GNA13: variants seen among roughly 807,000 people sequenced by gnomAD.
GNA13 encodes guanine nucleotide-binding protein subunit alpha-13.
GNA13 carries 4 observed loss-of-function variants against 33.5 expected under a neutral mutation model. The observed-to-expected ratio is 0.12, with a 90% CI of 0.06 to 0.27. The LOEUF is 0.27. Among genes scored for constraint, GNA13 ranks in the 10% least tolerant of loss-of-function variants. GNA13 has a pLI of 1.00. For synonymous variants in GNA13, 176 were observed against 183.8 expected, an observed-to-expected ratio of 0.96 and a Z score of 0.34; for missense variants, 319 against 487.2, an observed-to-expected ratio of 0.65 and a Z score of 3.25.
In GNA13 at chr17:65,014,061, A is replaced by C. The variant is rs761159936; in HGVS notation, c.*196T>G. 4 of 558,052 alleles carry C rather than the reference A, an allele frequency of 7.2e-6. No individual in the cohort carries two copies. Among genetic ancestry groups the C allele is most frequent in the Non-Finnish European group, 1.3e-5 (4 of 314,442 alleles). The allele number at this position is 558,052 out of a possible 1,614,324, so 34.6% of individuals were successfully genotyped here. ...AACAGATCAAAGCCTGCATTACAGC[A>C]AATCTTGGCGATGAGTCACTCAACA... On this transcript the variant is annotated 3_prime_UTR_variant, in exon 4 of 4. Coordinates refer to ENST00000439174, the MANE Select transcript of GNA13 (RefSeq NM_006572.6). This position sits in a 1 kb window ranked among gnomAD's most constrained non-coding sequence, Gnocchi z 5.3.
intron 2 of GNA13, among the ~76,000 whole-genome samples, chr17:65,039,363 C>G (rs985749876): frequency 2.0e-5 from 3 of 152,216 alleles, no homozygotes; most frequent in Non-Finnish European, 4.4e-5. Context: ...AACTTCCACA[C>G]AGCAGCCTGA....
chr17:65,021,433 T>C (rs1359164112), intron 2 of GNA13, among the ~76,000 whole-genome samples: 1 of 152,232 alleles, frequency 6.6e-6, no homozygotes, highest in Admixed American at 6.5e-5. Flanking sequence ...AGTCCTAAGC[T>C]TGAAGGTAAC....
intron 2 of GNA13, among the ~76,000 whole-genome samples, chr17:65,040,390 A>T (rs1907410224): frequency 6.6e-6 from 1 of 152,272 alleles, no homozygotes; most frequent in Admixed American, 6.5e-5. Context: ...ACAGTTAAAA[A>T]TAGCAAATCA....
intron 2 of GNA13, among the ~76,000 whole-genome samples, chr17:65,043,845 G>A (rs1055878152): frequency 1.6e-4 from 24 of 152,212 alleles, no homozygotes; most frequent in Admixed American, 1.2e-3. Context: ...TTTCGAGGCT[G>A]GGCACAGTGG....
Position 65,021,358 on chromosome 17 carries a change from G to GC in GNA13, c.511-3056dup, listed in dbSNP as rs1354569781. On this transcript the variant is annotated intron_variant, in intron 2 of 3. Coordinates refer to ENST00000439174, the MANE Select transcript of GNA13 (RefSeq NM_006572.6). ...CTAAGCTGGGAATGGCTTCAATGTT[G>GC]CCCCCACTTCACAACAATAATTTGT... 2.6e-5 allele frequency among the ~76,000 whole-genome samples: 4 copies of GC among 152,280 alleles called. No individual in the cohort carries two copies. The South Asian group carries it at 8.3e-4, about 32-fold the overall frequency.
At chr17:65,051,724 A>G (rs1907865717) in intron 2 of GNA13, among the ~76,000 whole-genome samples, 1 of 152,246 alleles carries the variant, frequency 6.6e-6, no homozygotes, top group African/African-American at 2.4e-5. Context: ...TGATCAAGGG[A>G]CAAAACTAAC....
intron 2 of GNA13, among the ~76,000 whole-genome samples, chr17:65,039,818 C>A (rs753754109): frequency 6.6e-6 from 1 of 152,198 alleles, no homozygotes; most frequent in African/African-American, 2.4e-5. Context: ...ACACCTAACC[C>A]ACAAAAAGGT....
intron 2 of GNA13, among the ~76,000 whole-genome samples, chr17:65,046,476 G>C (rs999592590): frequency 6.6e-6 from 1 of 152,100 alleles, no homozygotes; most frequent in East Asian, 1.9e-4. Context: ...ATTATTTGTA[G>C]AGACAGGATC....
At chr17:65,042,388 A>G (rs540026450) in intron 2 of GNA13, among the ~76,000 whole-genome samples, 4 of 150,280 alleles carry the variant, frequency 2.7e-5, no homozygotes, top group African/African-American at 7.4e-5. Context: ...GAACCACATC[A>G]TAAGTTTTTG....
At position 65,053,673 on chromosome 17, in the gene GNA13, G is replaced by A. The variant is rs1338876727; in HGVS notation, c.339C>T (p.Asn113=). 16 of 1,613,916 alleles carry A rather than the reference G, an allele frequency of 9.9e-6. No individual in the cohort carries two copies. Among genetic ancestry groups the A allele is most frequent in the Non-Finnish European group, 1.3e-5 (15 of 1,179,954 alleles). ...TCTTATCTCCATGTTGTTGGTTTGA[G>A]TTGTCTCCCCAGGGAATATGAAGCT... ...REKLHIPWGD[N]SNQQHGDKMM... is the part of the protein sequence containing the mutation. Residue 113 remains asparagine, a synonymous_variant, in exon 2 of 4, where the codon AAC becomes AAT. Coordinates refer to ENST00000439174, the MANE Select transcript of GNA13 (RefSeq NM_006572.6).
chr17:65,056,141 C>G (rs1908044911), intron 1 of GNA13, among the ~76,000 whole-genome samples, 170 bp downstream of exon 1: 1 of 151,840 alleles, frequency 6.6e-6, no homozygotes, highest in East Asian at 1.9e-4. Context: ...GCGAGGGCAC[C>G]CCGGGCGGGC....
At chr17:65,018,371 C>T (rs2143773227) in intron 2 of GNA13, 68 bp from the exon 3 acceptor site, 2 of 835,744 alleles carry the variant, frequency 2.4e-6, no homozygotes, top group Non-Finnish European at 4.2e-6. Flanking sequence ...CAACAGTTTA[C>T]ATCATACTGT....
At chr17:65,035,664 A>G (rs1176707688) in intron 2 of GNA13, among the ~76,000 whole-genome samples, 1 of 152,224 alleles carries the variant, frequency 6.6e-6, no homozygotes, top group East Asian at 1.9e-4. Flanking sequence ...AAGAATTCTG[A>G]GCCTTGAAAA....
At chr17:65,055,755 G>A (rs769791398) in intron 1 of GNA13, 1 of 985,176 alleles carries the variant, frequency 1.0e-6, no homozygotes, top group Admixed American at 6.2e-5. Flanking sequence ...AAGAAGTCTC[G>A]GGCAAAAAGT....
chr17:65,014,062 A>C lies in GNA13; in HGVS notation c.*195T>G, dbSNP rs1906280471. The stretch of plus-strand genomic sequence containing the variant: ...ACAGATCAAAGCCTGCATTACAGCA[A>C]ATCTTGGCGATGAGTCACTCAACAG... On this transcript the variant is annotated 3_prime_UTR_variant, in exon 4 of 4. Transcript: ENST00000439174. The surrounding 1 kb of genome is among the most constrained non-coding windows in gnomAD (Gnocchi z 5.3). 1.8e-6 allele frequency: 1 copy of C among 557,674 alleles called. No individual in the cohort carries two copies. The highest frequency in any genetic ancestry group is 1.9e-5 in the African/African-American group (1 of 53,506). The allele number at this position is 557,674 out of a possible 1,614,324, so 34.5% of individuals were successfully genotyped here.
intron 2 of GNA13, among the ~76,000 whole-genome samples, chr17:65,046,169 A>G (rs1198875103): frequency 1.3e-5 from 2 of 152,214 alleles, no homozygotes; most frequent in Admixed American, 6.5e-5. Flanking sequence ...GCACTATATG[A>G]TCATGAATGT....
At chr17:65,044,824 C>T (rs114850026) in intron 2 of GNA13, among the ~76,000 whole-genome samples, 2,173 of 152,114 alleles carry the variant, frequency 0.014, 55 homozygotes, top group African/African-American at 0.049. Context: ...GGACAGATCA[C>T]TTGAGGTCAA....
rs1906202575 is a variant in GNA13, at chr17:65,011,952, G to A, written c.*2305C>T. 1 of 225,774 alleles carries A rather than the reference G, an allele frequency of 4.4e-6. No homozygotes were observed. The highest frequency in any genetic ancestry group is 2.2e-5 in the African/African-American group (1 of 44,914). 14.0% of individuals were successfully genotyped at this position (225,774 alleles called of 1,614,324 possible). ...AAATGTGGACTGAAGCCTTTAGATT[G>A]AACTTAAAGTTCTACTGAATGTCAA... On this transcript the variant is annotated 3_prime_UTR_variant, in exon 4 of 4. Coordinates refer to ENST00000439174, the MANE Select transcript of GNA13 (RefSeq NM_006572.6).
At position 65,056,622 on chromosome 17, in the gene GNA13, G is replaced by C; in HGVS notation, c.-29C>G. ...GCCGCCGCCGCCGCCGCCTCGGCGG[G>C]CCCCTCCGGCTCCCTCCACCTCCTC... On this transcript the variant is annotated 5_prime_UTR_variant, in exon 1 of 4. Transcript: ENST00000439174. 1 of 1,588,318 alleles carries C rather than the reference G, an allele frequency of 6.3e-7. No homozygotes were observed. The highest frequency in any genetic ancestry group is 8.5e-7 in the Non-Finnish European group (1 of 1,171,008).
Sources: allele counts gnomAD v4.1 joint callset (sites outside exome capture counted in the v4.1 genomes callset), GRCh38; gene constraint gnomAD v4.1.1; non-coding constraint Gnocchi (gnomAD v3.1); transcripts MANE v1.5; gene names NCBI Gene and HGNC (gene_info 2026-07-23, HGNC 2026-07-21).